The following PLN variants were observed in gnomAD, a reference collection of about 807,000 sequenced individuals.
PLN encodes phospholamban, also known as cardiac phospholamban.
Under a neutral mutation model 3.9 loss-of-function variants are expected in PLN, and 1 was observed. The ratio of observed to expected loss-of-function variants is 0.26; its 90% CI spans 0.09 to 1.23. The LOEUF is 1.23. Among genes scored for constraint, PLN ranks in the 50% most tolerant of loss-of-function variants. The pLI is 0.48. For synonymous variants in PLN, 21 were observed against 20.5 expected, an observed-to-expected ratio of 1.02 and a Z score of -0.07; for missense variants, 59 against 62.7, an observed-to-expected ratio of 0.94 and a Z score of 0.20.
intron 1 of PLN, among the ~76,000 whole-genome samples, chr6:118,556,660 A>T (rs1056777702): frequency 2.6e-5 from 4 of 152,214 alleles, no homozygotes; most frequent in Non-Finnish European, 5.9e-5. Context: ...ACTTAGGAGA[A>T]AATAAAATCT....
rs1251709391 is a variant in PLN at position 118,559,238 on chromosome 6, A to G, written c.*158A>G. 1.4e-6 allele frequency: 1 copy of G among 709,942 alleles called. No individual in the cohort carries two copies. The highest frequency in any genetic ancestry group is 2.6e-6 in the Non-Finnish European group (1 of 383,522). The allele number at this position is 709,942 out of a possible 1,614,324, so 44.0% of individuals were successfully genotyped here. On this transcript the variant is annotated 3_prime_UTR_variant, in exon 2 of 2. Transcript: ENST00000357525. ...ATTAAGACTAAAACTTATTGTTACC[A>G]TATGTATTCATCTGTTGGATCTTGT...
intron 1 of PLN, among the ~76,000 whole-genome samples, chr6:118,552,250 A>G (rs1778590371): frequency 6.6e-6 from 1 of 152,092 alleles, no homozygotes. Context: ...AAACATAAAG[A>G]ATCCCAGGAA....
chr6:118,548,465 C>G (rs1778341017), intron 1 of PLN, 73 bp downstream of exon 1: 1 of 152,016 alleles, frequency 6.6e-6, no homozygotes. Context: ...TTTCTATAAT[C>G]TGAACTTTTA....
In PLN at chr6:118,561,703, T is replaced by C. The variant is rs985004187; in HGVS notation, c.*2623T>C. ...CAGAATCACTATATTAAAATGAATG[T>C]TCTTGAAAACTCAGTGGGGCTGCTC... On this transcript the variant is annotated 3_prime_UTR_variant, in exon 2 of 2. Coordinates refer to ENST00000357525, the MANE Select transcript of PLN (RefSeq NM_002667.5). Among the ~76,000 whole-genome samples, 8 of 152,128 alleles carry C rather than the reference T, an allele frequency of 5.3e-5. No individual in the cohort carries two copies. The highest frequency in any genetic ancestry group is 1.9e-4 in the African/African-American group (8 of 41,434).
At chr6:118,553,425 A>G (rs1778668920) in intron 1 of PLN, among the ~76,000 whole-genome samples, 1 of 152,220 alleles carries the variant, frequency 6.6e-6, no homozygotes. Context: ...TGGCCTAATT[A>G]TCATCATACA....
rs369698272 is a variant in PLN at position 118,558,660 on chromosome 6, CAGAG to C, written c.-97-140_-97-137del. Among the ~76,000 whole-genome samples the C allele has an allele frequency of 4.3e-3, 527 of 122,226 alleles. 6 individuals carry two copies. The highest frequency in any genetic ancestry group is 0.01 in the African/African-American group (326 of 31,068). 80.2% of individuals were successfully genotyped at this position (122,226 alleles called of 152,430 possible). On this transcript the variant is annotated intron_variant, in intron 1 of 1. Transcript: ENST00000357525. ...ACACACACACACACACACACACACACAGAGAGAGAGAGAGAGAGAGAGAGAGAGG... is the reference window on the plus strand; with the variant it reads ...ACACACACACACACACACACACACACAGAGAGAGAGAGAGAGAGAGAGAGG...
At chr6:118,551,648 C>T (rs1778551979) in intron 1 of PLN, among the ~76,000 whole-genome samples, 2 of 152,004 alleles carry the variant, frequency 1.3e-5, no homozygotes, top group African/African-American at 4.8e-5. Flanking sequence ...CTCCTCAAGA[C>T]AGAGCTTTAA....
In PLN at chr6:118,558,656, CACACAG is replaced by C. The variant is rs1258733085; in HGVS notation, c.-97-167_-97-162del. Among the ~76,000 whole-genome samples, 286 of 133,868 alleles carry C rather than the reference CACACAG, an allele frequency of 2.1e-3. 1 individual carries two copies. The highest frequency in any genetic ancestry group is 6.8e-3 in the African/African-American group (211 of 31,154). 87.8% of individuals were successfully genotyped at this position (133,868 alleles called of 152,430 possible). A position where few individuals can be genotyped will look rare whatever the true frequency, so the allele number is the denominator to read the frequency against. On this transcript the variant is annotated intron_variant, in intron 1 of 1. Coordinates refer to ENST00000357525, the MANE Select transcript of PLN (RefSeq NM_002667.5). ...ACACACACACACACACACACACACA[CACACAG>C]AGAGAGAGAGAGAGAGAGAGAGAGA...
At chr6:118,558,626 TAC>T (rs371775061) in intron 1 of PLN, among the ~76,000 whole-genome samples, 197 bp from the exon 2 acceptor site, 2,911 of 111,572 alleles carry the variant, frequency 0.026, 59 homozygotes, top group East Asian at 0.079. Context: ...CACGTGCACA[TAC>T]ACACACACAC....
At chr6:118,558,656 CACACAGAGAGAGAG>C (rs1779035023) in intron 1 of PLN, among the ~76,000 whole-genome samples, 155 bp from the exon 2 acceptor site, 2 of 133,862 alleles carry the variant, frequency 1.5e-5, no homozygotes, top group African/African-American at 6.4e-5. Context: ...CACACACACA[CACACAGAGAGAGAG>C]AGAGAGAGAG....
At position 118,560,721 on chromosome 6, in the gene PLN, G is replaced by A. The variant is rs1224077484; in HGVS notation, c.*1641G>A. The A allele has an allele frequency of 6.1e-6, 1 of 165,136 alleles. No individual in the cohort carries two copies. Among genetic ancestry groups the A allele is most frequent in the Non-Finnish European group, 1.5e-5 (1 of 68,092 alleles). The allele number at this position is 165,136 out of a possible 1,614,324, so 10.2% of individuals were successfully genotyped here. A position where few individuals can be genotyped will look rare whatever the true frequency, so the allele number is the denominator to read the frequency against. On this transcript the variant is annotated 3_prime_UTR_variant, in exon 2 of 2. Transcript: ENST00000357525. ...TGCTATTTATAATTATTTTCTTGAT[G>A]AATAAATTTTCAATTTCTCCTCTGA...
intron 1 of PLN, among the ~76,000 whole-genome samples, chr6:118,549,842 A>G (rs1460729350): frequency 6.6e-6 from 1 of 151,884 alleles, no homozygotes; most frequent in East Asian, 1.9e-4. Flanking sequence ...ATACTTCTGG[A>G]TAGAGCAGAA....
rs1053233910 is a variant in PLN, at chr6:118,561,495, G to A, written c.*2415G>A. Among the ~76,000 whole-genome samples, 2 of 151,906 alleles carry A rather than the reference G, an allele frequency of 1.3e-5. No individual in the cohort carries two copies. Among genetic ancestry groups the A allele is most frequent in the African/African-American group, 2.4e-5 (1 of 41,374 alleles). On this transcript the variant is annotated 3_prime_UTR_variant, in exon 2 of 2. Coordinates refer to ENST00000357525, the MANE Select transcript of PLN (RefSeq NM_002667.5). Reference sequence around the variant, plus strand: ...AAATAATTATTCTTCATCATAAAGTGTAAAGAATAAGATATAAGAAAACAA... The same window carrying A: ...AAATAATTATTCTTCATCATAAAGTATAAAGAATAAGATATAAGAAAACAA...
intron 1 of PLN, among the ~76,000 whole-genome samples, chr6:118,551,591 G>A (rs760276306): frequency 7.2e-5 from 11 of 152,000 alleles, no homozygotes; most frequent in Non-Finnish European, 1.6e-4. Flanking sequence ...AAGCTAAATT[G>A]TCAGTTTTAG....
At chr6:118,558,337 T>C (rs1195238418) in intron 1 of PLN, among the ~76,000 whole-genome samples, 1 of 152,184 alleles carries the variant, frequency 6.6e-6, no homozygotes, top group African/African-American at 2.4e-5. Flanking sequence ...GGGGTCTTTA[T>C]TGAGAAGTTT....
chr6:118,548,761 CTTAA>C (rs1778358391), intron 1 of PLN, among the ~76,000 whole-genome samples: 1 of 151,988 alleles, frequency 6.6e-6, no homozygotes, highest in East Asian at 1.9e-4. Context: ...AAAACAATGA[CTTAA>C]TTTTGTTATT....
intron 1 of PLN, among the ~76,000 whole-genome samples, chr6:118,555,068 T>C (rs2114948017): frequency 6.6e-6 from 1 of 152,310 alleles, no homozygotes. Context: ...AAACCATATG[T>C]TCAAATAGGA....
chr6:118,549,857 T>C (rs1057045016), intron 1 of PLN, among the ~76,000 whole-genome samples: 3 of 151,914 alleles, frequency 2.0e-5, no homozygotes, highest in Non-Finnish European at 4.4e-5. Flanking sequence ...GCAGAAATTA[T>C]ATTAAACTTA....
chr6:118,555,879 C>A (rs1778837738), intron 1 of PLN, among the ~76,000 whole-genome samples: 1 of 149,988 alleles, frequency 6.7e-6, no homozygotes, highest in Non-Finnish European at 1.5e-5. Flanking sequence ...CTTGCTCCCA[C>A]CTGTAAGTGA....
Sources: allele counts gnomAD v4.1 joint callset (sites outside exome capture counted in the v4.1 genomes callset), GRCh38; gene constraint gnomAD v4.1.1; transcripts MANE v1.5; gene names NCBI Gene and HGNC (gene_info 2026-07-23, HGNC 2026-07-21).